SLC71A2: variants seen among roughly 807,000 people sequenced by gnomAD.
SLC71A2 encodes solute carrier family 71 member 2.
the SLC71A2 span, among the ~76,000 whole-genome samples, chr9:94,448,740 CTTGTGCCTCAG>C: frequency 1.3e-5 from 2 of 152,170 alleles, no homozygotes; most frequent in Admixed American, 1.3e-4. Context: ...TCAAGAAATC[CTTGTGCCTCAG>C]CCTGCCAAGC....
the SLC71A2 span, among the ~76,000 whole-genome samples, chr9:94,440,685 TTC>T: frequency 6.6e-6 from 1 of 152,138 alleles, no homozygotes; most frequent in East Asian, 1.9e-4. Context: ...GAAGTTTTTT[TTC>T]TGTCTGTTGG....
chr9:94,447,660 A>G, the SLC71A2 span, among the ~76,000 whole-genome samples: 4 of 152,140 alleles, frequency 2.6e-5, no homozygotes, highest in African/African-American at 7.2e-5. Flanking sequence ...ATGAACCTAC[A>G]TTGACAAATT....
the SLC71A2 span, among the ~76,000 whole-genome samples, chr9:94,436,104 T>C: frequency 1.3e-5 from 2 of 152,270 alleles, no homozygotes; most frequent in Non-Finnish European, 2.9e-5. Flanking sequence ...TAAATAGTTG[T>C]TACACTGTAT....
At chr9:94,388,778 A>G in the SLC71A2 span, among the ~76,000 whole-genome samples, 2 of 152,038 alleles carry the variant, frequency 1.3e-5, no homozygotes, top group African/African-American at 2.4e-5. Context: ...CTGTTTCTTT[A>G]TTTTCATTTA....
At chr9:94,402,412 A>G in the SLC71A2 span, among the ~76,000 whole-genome samples, 1 of 152,116 alleles carries the variant, frequency 6.6e-6, no homozygotes, top group African/African-American at 2.4e-5. Flanking sequence ...TTTTTTTAAT[A>G]TATATTCACG....
chr9:94,414,554 G>A, the SLC71A2 span, among the ~76,000 whole-genome samples: 1 of 152,164 alleles, frequency 6.6e-6, no homozygotes, highest in African/African-American at 2.4e-5. Flanking sequence ...CACGTAATTC[G>A]TAAGGGACAG....
chr9:94,400,825 A>G, the SLC71A2 span, among the ~76,000 whole-genome samples: 1 of 152,158 alleles, frequency 6.6e-6, no homozygotes, highest in South Asian at 2.1e-4. Context: ...AAAATATCAT[A>G]CAGAACAATT....
At chr9:94,459,573 T>TTTTTTTTTTTTCTCTTACATTC in the SLC71A2 span, 1 of 41,878 alleles carries the variant, frequency 2.4e-5, no homozygotes, top group East Asian at 4.1e-4. Context: ...CCTCCTCCTG[T>TTTTTTTTTTTTCTCTTACATTC]TTTTTTTTTT....
the SLC71A2 span, chr9:94,456,393 G>GAA: frequency 7.2e-7 from 1 of 1,394,108 alleles, no homozygotes; most frequent in African/African-American, 1.4e-5. Context: ...CTCCCTGCTA[G>GAA]AAGCAGGAGC....
the SLC71A2 span, among the ~76,000 whole-genome samples, chr9:94,396,793 G>A: frequency 1.3e-5 from 2 of 151,964 alleles, no homozygotes; most frequent in African/African-American, 2.4e-5. Context: ...TTTTTGAGAC[G>A]GAGTTTCGCT....
chr9:94,431,596 A>G, the SLC71A2 span, among the ~76,000 whole-genome samples: 8 of 151,998 alleles, frequency 5.3e-5, no homozygotes, highest in Non-Finnish European at 7.4e-5. Flanking sequence ...TTGAACACTT[A>G]GTACACATAA....
the SLC71A2 span, among the ~76,000 whole-genome samples, chr9:94,386,846 C>T: frequency 3.3e-5 from 5 of 152,138 alleles, no homozygotes; most frequent in Non-Finnish European, 1.5e-5. Flanking sequence ...ATTTTGATTA[C>T]TGTTAACTAT....
At chr9:94,409,599 A>G in the SLC71A2 span, among the ~76,000 whole-genome samples, 211 of 152,340 alleles carry the variant, frequency 1.4e-3, no homozygotes, top group African/African-American at 4.7e-3. Flanking sequence ...TTATAACCAC[A>G]CATCTACAGC....
chr9:94,455,143 C>T, the SLC71A2 span, among the ~76,000 whole-genome samples: 6 of 124,972 alleles, frequency 4.8e-5, no homozygotes, highest in East Asian at 2.0e-4. Flanking sequence ...TCATTTGATC[C>T]GCTTGCTCTT....
At chr9:94,446,865 T>G in the SLC71A2 span, 4 of 1,612,638 alleles carry the variant, frequency 2.5e-6, no homozygotes, top group Admixed American at 6.7e-5. Context: ...CTTACTAATC[T>G]GCATCACCGT....
the SLC71A2 span, among the ~76,000 whole-genome samples, chr9:94,383,007 T>A: frequency 6.6e-6 from 1 of 152,112 alleles, no homozygotes; most frequent in Non-Finnish European, 1.5e-5. Context: ...TCTATGTTTA[T>A]GGAAGCTTTA....
chr9:94,423,400 T>C, the SLC71A2 span, among the ~76,000 whole-genome samples: 2 of 152,154 alleles, frequency 1.3e-5, no homozygotes, highest in Non-Finnish European at 2.9e-5. Flanking sequence ...AGTGACGTCG[T>C]GACCCTCGGG....
At chr9:94,421,184 A>G in the SLC71A2 span, among the ~76,000 whole-genome samples, 1 of 150,794 alleles carries the variant, frequency 6.6e-6, no homozygotes, top group Non-Finnish European at 1.5e-5. Flanking sequence ...ATATTTTCCT[A>G]AAGTTTCCTC....
chr9:94,407,720 T>C, the SLC71A2 span, among the ~76,000 whole-genome samples: 2 of 152,100 alleles, frequency 1.3e-5, no homozygotes, highest in Non-Finnish European at 2.9e-5. Flanking sequence ...TTTTAGAGTA[T>C]GGCAGTACTC....
Sources: gnomAD v4.1 joint callset for allele counts (sites outside exome capture counted in the v4.1 genomes callset) on GRCh38, gnomAD v4.1.1 for gene constraint, MANE v1.5 for transcripts, NCBI Gene and HGNC (gene_info 2026-07-23, HGNC 2026-07-21) for gene names.